Variants in PTPN18 observed in about 807,000 individuals in gnomAD.
The protein encoded by PTPN18 is tyrosine-protein phosphatase non-receptor type 18.
PTPN18 carries 65 observed loss-of-function variants against 65.4 expected under a neutral mutation model. That is an observed-to-expected ratio of 0.99 (90% CI 0.81 to 1.22). PTPN18 has a LOEUF of 1.22. Ranked by LOEUF, PTPN18 falls within the 50% of genes most tolerant of loss-of-function variation. The probability of loss-of-function intolerance (pLI) is 0.00; values close to 1 mark genes in which losing one functional copy is unlikely to be tolerated. For synonymous variants in PTPN18, 255 were observed against 267.8 expected, an observed-to-expected ratio of 0.95 and a Z score of 0.47; for missense variants, 616 against 646.5, an observed-to-expected ratio of 0.95 and a Z score of 0.51.
chr2:130,373,359 G>A lies in PTPN18; in HGVS notation c.*135G>A. On this transcript the variant is annotated 3_prime_UTR_variant, in exon 15 of 15. Coordinates refer to ENST00000175756, the MANE Select transcript of PTPN18 (RefSeq NM_014369.4). This position sits in a 1 kb window ranked among gnomAD's most constrained non-coding sequence, Gnocchi z 4.1. The stretch of plus-strand genomic sequence containing the variant: ...AAGTTTCTCAGGGTGGGAAATGTGG[G>A]GGCTTTGCCCCAATGACTGTAGCAT... The A allele has an allele frequency of 1.0e-6, 1 of 963,674 alleles. No homozygotes were observed. 59.7% of individuals were successfully genotyped at this position (963,674 alleles called of 1,614,324 possible).
chr2:130,362,560 T>C (rs1248980173), intron 5 of PTPN18: 1 of 162,564 alleles, frequency 6.2e-6, no homozygotes, highest in Admixed American at 6.0e-5. Flanking sequence ...TCAAATAATA[T>C]TCTACATTTC....
intron 2 of PTPN18, 27 bp from the exon 3 acceptor site, chr2:130,359,206 C>T: frequency 6.2e-7 from 1 of 1,613,292 alleles, no homozygotes; most frequent in Non-Finnish European, 8.5e-7. Context: ...ACCCAAACTC[C>T]ACGTTTCTCA....
At chr2:130,358,752 A>C (rs1573855931) in intron 1 of PTPN18, 115 bp from the exon 2 acceptor site, 1 of 782,250 alleles carries the variant, frequency 1.3e-6, no homozygotes. Context: ...GTCTGCACTC[A>C]CCTCCCCAGG....
rs748750146 is a variant in PTPN18, at chr2:130,372,306, G to C, written c.1063G>C (p.Ala355Pro). Reference sequence around the variant, plus strand: ...GGGCCACGCCATGGCTGACACCTACGCGGTGGTGCAGAAGCGCGGGGCTCC... The same window carrying C: ...GGGCCACGCCATGGCTGACACCTACCCGGTGGTGCAGAAGCGCGGGGCTCC... ...SPGHAMADTYAVVQKRGAPAG... is the reference protein window; with the variant it reads ...SPGHAMADTYPVVQKRGAPAG... Residue 355 changes from alanine (A) to proline (P), a missense_variant, in exon 13 of 15, where the codon GCG becomes CCG. Physicochemically the swap from Ala to Pro is conservative, Grantham distance 27. Coordinates refer to ENST00000175756, the MANE Select transcript of PTPN18 (RefSeq NM_014369.4). The C allele has an allele frequency of 3.9e-6, 6 of 1,539,270 alleles. No individual in the cohort carries two copies. The highest frequency in any genetic ancestry group is 4.3e-6 in the Non-Finnish European group (5 of 1,154,464).
At chr2:130,364,153 T>G (rs1303977591) in intron 5 of PTPN18, among the ~76,000 whole-genome samples, 1 of 152,190 alleles carries the variant, frequency 6.6e-6, no homozygotes, top group Non-Finnish European at 1.5e-5. Context: ...GATTAACCAT[T>G]CCTACTGTCT....
At chr2:130,361,354 G>A (rs1680183165) in intron 5 of PTPN18, among the ~76,000 whole-genome samples, 1 of 151,924 alleles carries the variant, frequency 6.6e-6, no homozygotes, top group African/African-American at 2.4e-5. Context: ...TACTTTTCAT[G>A]TTTTAAAACT....
intron 5 of PTPN18, among the ~76,000 whole-genome samples, chr2:130,365,463 T>G (rs1346188774): frequency 6.6e-6 from 1 of 152,252 alleles, no homozygotes; most frequent in African/African-American, 2.4e-5. Context: ...ATTATTGAGT[T>G]GTAAGCGTTA....
At chr2:130,367,438 C>T (rs1055352415) in intron 5 of PTPN18, among the ~76,000 whole-genome samples, 7 of 152,000 alleles carry the variant, frequency 4.6e-5, no homozygotes, top group Non-Finnish European at 8.8e-5. Context: ...CTTTGGGAGG[C>T]CAAGGTAGGT....
Position 130,356,319 on chromosome 2 carries a change from C to CG in PTPN18, c.93+125dup, listed in dbSNP as rs138783497. ...CGGTGTCCCCGGTGTCTCCCCGCCT[C>CG]GGGGGGTCTCTCCGTGTTTCTCTCC... On this transcript the variant is annotated intron_variant, in intron 1 of 14. Coordinates refer to ENST00000175756, the MANE Select transcript of PTPN18 (RefSeq NM_014369.4). The CG allele has an allele frequency of 6.7e-3, 4,534 of 677,598 alleles. 171 individuals are homozygous for CG. The African/African-American group carries it at 0.079, about 12-fold the overall frequency. The allele number at this position is 677,598 out of a possible 1,614,324, so 42.0% of individuals were successfully genotyped here. A position where few individuals can be genotyped will look rare whatever the true frequency, so the allele number is the denominator to read the frequency against.
Position 130,359,240 on chromosome 2 carries a change from G to A in PTPN18, c.210G>A (p.Gln70=). The change falls in exon 3 of 15, where the codon CAG becomes CAA. Residue 70 remains glutamine, a synonymous_variant. Coordinates refer to ENST00000175756, the MANE Select transcript of PTPN18 (RefSeq NM_014369.4). ...NRYKDVLPYD[Q]TRVILSLLQE... Reference sequence around the variant, plus strand: ...CACCTTATCTGCTGACAGATGATCAGACGCGAGTAATCCTCTCCCTGCTCC... The same window carrying A: ...CACCTTATCTGCTGACAGATGATCAAACGCGAGTAATCCTCTCCCTGCTCC... The A allele has an allele frequency of 1.2e-6, 2 of 1,614,038 alleles. No homozygotes were observed. The highest frequency in any genetic ancestry group is 1.7e-6 in the Non-Finnish European group (2 of 1,180,044).
Position 130,370,602 on chromosome 2 carries a change from G to A in PTPN18, c.735G>A (p.Val245=), listed in dbSNP as rs770015558. Residue 245 remains valine (V), a synonymous_variant, in exon 9 of 15, where the codon GTG becomes GTA. Coordinates refer to ENST00000175756, the MANE Select transcript of PTPN18 (RefSeq NM_014369.4). ...GCGTCCTGTGCACCGTGGATTATGT[G>A]AGGCAGCTGCTCCTGACCCAGGTAC... ...RTGVLCTVDY[V]RQLLLTQMIP... The A allele has an allele frequency of 3.2e-5, 52 of 1,614,012 alleles. No individual in the cohort carries two copies. The highest frequency in any genetic ancestry group is 4.4e-5 in the Non-Finnish European group (52 of 1,180,038).
chr2:130,370,438 C>T (rs915969304), intron 8 of PTPN18, 119 bp from the exon 9 acceptor site: 1 of 1,263,812 alleles, frequency 7.9e-7, no homozygotes, highest in African/African-American at 1.5e-5. Context: ...TCTGAAGATT[C>T]TGGGAATCAA....
At chr2:130,357,770 G>A (rs112545610) in intron 1 of PTPN18, among the ~76,000 whole-genome samples, 16 of 151,604 alleles carry the variant, frequency 1.1e-4, no homozygotes, top group Non-Finnish European at 2.2e-4. Context: ...GCAGGAGAAT[G>A]GCGTGAACCC....
At chr2:130,369,715 T>C (rs761399329) in intron 6 of PTPN18, 50 bp from the exon 7 acceptor site, 2 of 1,501,132 alleles carry the variant, frequency 1.3e-6, no homozygotes, top group Admixed American at 1.7e-5. Context: ...CTGGTACCTA[T>C]GATCTTTGTT....
chr2:130,361,566 C>CTTTCTCTTTCTTTCTTTCTTTCTTTCTTT (rs1281628439), intron 5 of PTPN18, among the ~76,000 whole-genome samples: 1 of 67,106 alleles, frequency 1.5e-5, no homozygotes, highest in African/African-American at 8.4e-5. Flanking sequence ...TTCTTTCTTT[C>CTTTCTCTTTCTTTCTTTCTTTCTTTCTTT]CTTTCTTTCC....
At chr2:130,359,669 T>A (rs200258144) in intron 5 of PTPN18, 23 bp downstream of exon 5, 23 of 1,611,336 alleles carry the variant, frequency 1.4e-5, no homozygotes, top group Non-Finnish European at 1.9e-5. Context: ...TGCCCCCAGG[T>A]TTCATGTCCT....
intron 1 of PTPN18, among the ~76,000 whole-genome samples, chr2:130,357,486 C>A (rs2104922091): frequency 6.6e-6 from 1 of 152,202 alleles, no homozygotes; most frequent in African/African-American, 2.4e-5. Context: ...TAAAACAATA[C>A]AACAAATGAA....
chr2:130,370,702 C>T lies in PTPN18; in HGVS notation c.757-3C>T. ...GCTCAAGTGCCTTGTCTGTCTGCCC[C>T]AGATGATCCCACCTGACTTCAGTCT... On this transcript the variant is annotated splice_polypyrimidine_tract_variant and splice_region_variant and intron_variant, in intron 9 of 14. Coordinates refer to ENST00000175756, the MANE Select transcript of PTPN18 (RefSeq NM_014369.4). The T allele has an allele frequency of 6.2e-7, 1 of 1,614,196 alleles. No homozygotes were observed. Among genetic ancestry groups the T allele is most frequent in the African/African-American group, 1.3e-5 (1 of 75,060 alleles).
At chr2:130,360,864 CT>C (rs1386772911) in intron 5 of PTPN18, among the ~76,000 whole-genome samples, 2 of 150,014 alleles carry the variant, frequency 1.3e-5, no homozygotes, top group African/African-American at 2.5e-5. Context: ...CAGAGTCTTG[CT>C]CTGTTGCCCA....
Sources: allele counts gnomAD v4.1 joint callset (sites outside exome capture counted in the v4.1 genomes callset), GRCh38; gene constraint gnomAD v4.1.1; non-coding constraint Gnocchi (gnomAD v3.1); transcripts MANE v1.5; gene names NCBI Gene and HGNC (gene_info 2026-07-23, HGNC 2026-07-21).